The following WNK3 variants were observed in gnomAD, a reference collection of about 807,000 sequenced individuals.
WNK3 encodes the protein serine/threonine-protein kinase WNK3.
Under a neutral mutation model 116.7 loss-of-function variants are expected in WNK3, and 18 were observed. The ratio of observed to expected loss-of-function variants is 0.15; its 90% CI spans 0.11 to 0.23. The LOEUF is 0.23. Ranked by LOEUF, WNK3 falls within the 10% of genes least tolerant of loss-of-function variation. WNK3 has a pLI of 1.00. For missense variants in WNK3, 993 were observed against 1,323.8 expected, an observed-to-expected ratio of 0.75 and a Z score of 3.88; for synonymous variants, 404 against 469.4, an observed-to-expected ratio of 0.86 and a Z score of 1.80.
intron 1 of WNK3, among the ~76,000 whole-genome samples, chrX:54,347,279 A>G (rs1557177770): frequency 1.8e-5 from 2 of 112,163 alleles, no homozygotes; most frequent in Non-Finnish European, 3.8e-5. Context: ...TGAGGTCAAG[A>G]GTTCGACACC....
chrX:54,305,975 A>T (rs2068819345), intron 5 of WNK3, among the ~76,000 whole-genome samples: 1 of 110,713 alleles, frequency 9.0e-6, no homozygotes, highest in Non-Finnish European at 1.9e-5. Flanking sequence ...GAATCACCTG[A>T]ACCTGGGAGG....
chrX:54,227,978 C>T (rs781964989), intron 22 of WNK3, among the ~76,000 whole-genome samples: 60 of 111,049 alleles, frequency 5.4e-4, no homozygotes, highest in African/African-American at 2.0e-3. Flanking sequence ...GCAGCCTCAA[C>T]CTCCTAGGCT....
exon 24 of WNK3, chrX:54,194,661 C>T: frequency 9.0e-6 from 1 of 110,924 alleles, no homozygotes; most frequent in Non-Finnish European, 1.9e-5. Context: ...AGTGATGATC[C>T]CTCTCATCTC....
chrX:54,346,279 CAAAAAAAAAA>C (rs150788845), intron 1 of WNK3, among the ~76,000 whole-genome samples: 59 of 30,341 alleles, frequency 1.9e-3, no homozygotes, highest in Middle Eastern at 0.11. Flanking sequence ...GCTGATCAGC[CAAAAAAAAAA>C]AAAAAAAAAA....
intron 1 of WNK3, among the ~76,000 whole-genome samples, chrX:54,347,016 A>AT (rs1353469107): frequency 7.1e-5 from 8 of 112,095 alleles, no homozygotes; most frequent in African/African-American, 2.6e-4. Context: ...GACCAGGATA[A>AT]TATCTCTTCT....
chrX:54,239,974 T>C (rs1471641374), intron 17 of WNK3, among the ~76,000 whole-genome samples: 8 of 112,332 alleles, frequency 7.1e-5, no homozygotes, highest in African/African-American at 1.3e-4. Flanking sequence ...ATAGCCTACA[T>C]GGCAGTAAGT....
intron 23 of WNK3, among the ~76,000 whole-genome samples, chrX:54,200,017 A>T (rs2067486418): frequency 8.9e-6 from 1 of 111,866 alleles, no homozygotes; most frequent in Non-Finnish European, 1.9e-5. Context: ...GCTTTTGCGT[A>T]TGCGATCCTT....
rs1311764276 is a variant in WNK3, at chrX:54,329,739, AC to A, written c.537+3397del. On this transcript the variant is annotated intron_variant, in intron 2 of 23. Transcript: ENST00000354646. ...ACATCCTTTAACATAACTAGAGTAC[AC>A]AGCTTGCAAAATGACTGACTTATCT... is the stretch of plus-strand genomic sequence containing the variant. 5.4e-5 allele frequency among the ~76,000 whole-genome samples: 6 copies of A among 111,612 alleles called. No homozygotes were observed. The Admixed American group carries it at 5.8e-4, about 11-fold the overall frequency.
chrX:54,245,638 CAT>C (rs2068068550), intron 17 of WNK3, among the ~76,000 whole-genome samples: 1 of 111,926 alleles, frequency 8.9e-6, no homozygotes, highest in Admixed American at 9.5e-5. Context: ...TAATAGCTAA[CAT>C]ATATTTATAG....
chrX:54,297,005 C>T (rs1167633048), intron 7 of WNK3, among the ~76,000 whole-genome samples: 4 of 110,985 alleles, frequency 3.6e-5, no homozygotes, highest in Non-Finnish European at 5.7e-5. Flanking sequence ...GCCCTGACTG[C>T]GCTGAGACAT....
intron 10 of WNK3, among the ~76,000 whole-genome samples, chrX:54,291,603 T>A (rs1254882171): frequency 1.8e-5 from 2 of 111,707 alleles, no homozygotes; most frequent in Non-Finnish European, 3.8e-5. Context: ...TGAGCTCAAT[T>A]ACAAATAGGC....
chrX:54,226,972 G>A (rs781922293), intron 22 of WNK3, among the ~76,000 whole-genome samples: 8 of 111,046 alleles, frequency 7.2e-5, no homozygotes, highest in Admixed American at 5.8e-4. Context: ...GTGAGCCAAC[G>A]GAATTTTAGA....
rs192100927 is a variant in WNK3 at position 54,245,308 on chromosome X, A to C, written c.3651+3389T>G. On this transcript the variant is annotated intron_variant, in intron 17 of 23. Coordinates refer to ENST00000354646, the Ensembl canonical transcript of WNK3. ...TCAAAACCAGCCTGGGCAACACTGC[A>C]AGCCCATGTCTCTACAAAAAGTTTA... is the stretch of plus-strand genomic sequence containing the variant. Among the ~76,000 whole-genome samples, 12 of 109,128 alleles carry C rather than the reference A, an allele frequency of 1.1e-4. No homozygotes were observed. In the East Asian group the frequency reaches 2.9e-3, roughly 26 times the overall value. The allele number at this position is 109,128 out of a possible 115,157, so 94.8% of individuals were successfully genotyped here. A position where few individuals can be genotyped will look rare whatever the true frequency, so the allele number is the denominator to read the frequency against.
intron 15 of WNK3, among the ~76,000 whole-genome samples, chrX:54,251,090 GA>G (rs1408654580): frequency 2.7e-5 from 3 of 111,439 alleles, no homozygotes; most frequent in Admixed American, 1.9e-4. Flanking sequence ...TCTCAAATCA[GA>G]AAAAAATAAC....
intron 17 of WNK3, among the ~76,000 whole-genome samples, chrX:54,243,932 G>T (rs781986802): frequency 8.7e-4 from 97 of 111,809 alleles, no homozygotes; most frequent in Middle Eastern, 9.3e-3. Context: ...CCATAAAATG[G>T]AATATGAACC....
At chrX:54,320,135 A>G (rs781863449) in intron 2 of WNK3, among the ~76,000 whole-genome samples, 5 of 112,350 alleles carry the variant, frequency 4.5e-5, no homozygotes, top group Non-Finnish European at 9.4e-5. Flanking sequence ...CACTACTGTA[A>G]AAAGAAATAT....
intron 6 of WNK3, among the ~76,000 whole-genome samples, chrX:54,299,774 T>C (rs1557167114): frequency 9.0e-6 from 1 of 110,973 alleles, no homozygotes; most frequent in African/African-American, 3.3e-5. Context: ...CAATAAAAAT[T>C]TTTACTGTAT....
At chrX:54,245,145 CGTGTGTGTGTGTGT>C (rs782272022) in intron 17 of WNK3, among the ~76,000 whole-genome samples, 23 of 84,669 alleles carry the variant, frequency 2.7e-4, no homozygotes, top group South Asian at 6.3e-4. Context: ...CATATATATG[CGTGTGTGTGTGTGT>C]GTGTGTGTGT....
At chrX:54,220,950 T>C in intron 22 of WNK3, among the ~76,000 whole-genome samples, 1 of 111,450 alleles carries the variant, frequency 9.0e-6, no homozygotes, top group East Asian at 2.8e-4. Flanking sequence ...CACACTTGAA[T>C]TGGAAATCAC....
Sources: gnomAD v4.1 joint callset for allele counts (sites outside exome capture counted in the v4.1 genomes callset) on GRCh38, gnomAD v4.1.1 for gene constraint, MANE v1.5 for transcripts, NCBI Gene and HGNC (gene_info 2026-07-23, HGNC 2026-07-21) for gene names.